The following SH3BP2 variants were observed in gnomAD, a reference collection of about 807,000 sequenced individuals.
SH3BP2 encodes the protein SH3 domain-binding protein 2.
In SH3BP2, 38 loss-of-function variants were observed where a neutral mutation model predicts 56.2. The observed-to-expected ratio is 0.68, with a 90% CI of 0.52 to 0.89. The LOEUF (loss-of-function observed/expected upper bound fraction) is 0.89. Ranked by LOEUF, SH3BP2 falls within the 40% of genes least tolerant of loss-of-function variation. The pLI, the probability that SH3BP2 is intolerant of heterozygous loss-of-function variation, is 0.00. For missense variants in SH3BP2, 748 were observed against 762.6 expected (o/e 0.98, Z 0.23); for synonymous variants, 346 against 316.7 (o/e 1.09, Z -0.98).
At chr4:2,824,985 A>T (rs1368147478) in intron 4 of SH3BP2, 141 bp from the exon 5 acceptor site, 6 of 804,922 alleles carry the variant, frequency 7.5e-6, no homozygotes, top group Non-Finnish European at 1.3e-5. Context: ...GAGGGGAGCC[A>T]CACAGCCATG....
At position 2,831,066 on chromosome 4, in the gene SH3BP2, G is replaced by A. The variant is rs1724958167; in HGVS notation, c.1242-505G>A. ...AGGGCTCAGCCTCACCCACAGGCTG[G>A]CCTCCCATGCTGGCGTGGCCCGTTA... On this transcript the variant is annotated intron_variant, in intron 8 of 12. Transcript: ENST00000503393. The surrounding 1 kb of genome is among the most constrained non-coding windows in gnomAD (Gnocchi z 4.1). 6.6e-6 allele frequency among the ~76,000 whole-genome samples: 1 copy of A among 152,234 alleles called. No individual in the cohort carries two copies. The highest frequency in any genetic ancestry group is 1.5e-5 in the Non-Finnish European group (1 of 68,038).
chr4:2,823,090 TC>T, intron 3 of SH3BP2, 53 bp downstream of exon 3: 1 of 1,318,880 alleles, frequency 7.6e-7, no homozygotes, highest in Non-Finnish European at 1.1e-6. Flanking sequence ...AGCGGGTCCC[TC>T]CCAGCAGAGC....
chr4:2,805,379 C>T (rs1032387249), intron 1 of SH3BP2, among the ~76,000 whole-genome samples: 19 of 152,294 alleles, frequency 1.2e-4, no homozygotes, highest in African/African-American at 4.6e-4. Flanking sequence ...GTGCCCCCCT[C>T]CTGCAGCCAG....
intron 11 of SH3BP2, 41 bp from the exon 12 acceptor site, chr4:2,832,949 G>A: frequency 6.2e-7 from 1 of 1,606,588 alleles, no homozygotes; most frequent in Non-Finnish European, 8.5e-7. Context: ...TGGTCCCGCT[G>A]TTTCTCAGGG....
rs10032589 is a variant in SH3BP2 at position 2,796,869 on chromosome 4, G to A, written c.-5+3731G>A. ...ACGGGGCTGAGGCCGCGAGGCAGGG[G>A]CCGAGGGAAGCGGCACAGAGCTTCT... On this transcript the variant is annotated intron_variant, in intron 1 of 12. Transcript: ENST00000503393. 9.8e-3 allele frequency among the ~76,000 whole-genome samples: 1,493 copies of A among 152,342 alleles called. 31 individuals carry two copies. Among genetic ancestry groups the A allele is most frequent in the African/African-American group, 0.034 (1,430 of 41,578 alleles).
chr4:2,819,360 A>G (rs1034807679), intron 1 of SH3BP2, among the ~76,000 whole-genome samples: 3 of 152,146 alleles, frequency 2.0e-5, no homozygotes, highest in Admixed American at 2.0e-4. Context: ...AGCTGGGACT[A>G]CAGATGCACC....
In SH3BP2 at chr4:2,833,908, C is replaced by G; in HGVS notation, c.*74C>G. ...CCCAGGCCACACAGACGGACATGGG[C>G]CCACATGGGAGGGTGAGCAGGAGCA... is the stretch of plus-strand genomic sequence containing the variant. On this transcript the variant is annotated 3_prime_UTR_variant, in exon 13 of 13. Transcript: ENST00000503393. 1 of 1,475,756 alleles carries G rather than the reference C, an allele frequency of 6.8e-7. No homozygotes were observed. Among genetic ancestry groups the G allele is most frequent in the Non-Finnish European group, 9.1e-7 (1 of 1,103,454 alleles). 91.4% of individuals were successfully genotyped at this position (1,475,756 alleles called of 1,614,324 possible). A position where few individuals can be genotyped will look rare whatever the true frequency, so the allele number is the denominator to read the frequency against.
chr4:2,818,133 C>A, intron 1 of SH3BP2: 1 of 783,944 alleles, frequency 1.3e-6, no homozygotes, highest in Non-Finnish European at 1.5e-6. Context: ...GGGGGCGGGG[C>A]CGGGAGGGGC....
In SH3BP2 at chr4:2,810,090, A is replaced by C. The variant is rs1341222995; in HGVS notation, c.-4-10524A>C. 1.3e-5 allele frequency among the ~76,000 whole-genome samples: 2 copies of C among 152,326 alleles called. No individual in the cohort carries two copies. The highest frequency in any genetic ancestry group is 4.8e-5 in the African/African-American group (2 of 41,568). On this transcript the variant is annotated intron_variant, in intron 1 of 12. Transcript: ENST00000503393. The surrounding 1 kb of genome is among the most constrained non-coding windows in gnomAD (Gnocchi z 4.2). ...GAGGGGAGAATGGCCTGTGTTTAGGAATATGAACGGCAGTGTCATATGCCG... is the reference window on the plus strand; with the variant it reads ...GAGGGGAGAATGGCCTGTGTTTAGGCATATGAACGGCAGTGTCATATGCCG...
At chr4:2,824,805 G>C (rs1182825115) in intron 4 of SH3BP2, 75 bp downstream of exon 4, 1 of 1,153,816 alleles carries the variant, frequency 8.7e-7, no homozygotes, top group Non-Finnish European at 1.3e-6. Flanking sequence ...GACCTGCCTT[G>C]GGGGCTCGCT....
At position 2,831,773 on chromosome 4, in the gene SH3BP2, T is replaced by G; in HGVS notation, c.1350+94T>G. 7.3e-7 allele frequency: 1 copy of G among 1,362,246 alleles called. No individual in the cohort carries two copies. The highest frequency in any genetic ancestry group is 1.0e-6 in the Non-Finnish European group (1 of 973,226). 84.4% of individuals were successfully genotyped at this position (1,362,246 alleles called of 1,614,324 possible). On this transcript the variant is annotated intron_variant, in intron 9 of 12. Coordinates refer to ENST00000503393, the MANE Select transcript of SH3BP2 (RefSeq NM_001122681.2). The surrounding 1 kb of genome is among the most constrained non-coding windows in gnomAD (Gnocchi z 4.1). ...CAGGGCGGCCCCTCACAGACCGTCC[T>G]GAGCAAGGACCCCCCGAGAACCCGG...
At position 2,837,550 on chromosome 4, in the gene SH3BP2, A is replaced by G. The variant is rs1318901508; in HGVS notation, c.*3716A>G. 1 of 152,314 alleles carries G rather than the reference A, an allele frequency of 6.6e-6. No homozygotes were observed. The highest frequency in any genetic ancestry group is 2.4e-5 in the African/African-American group (1 of 41,446). The allele number at this position is 152,314 out of a possible 1,614,324, so 9.4% of individuals were successfully genotyped here. On this transcript the variant is annotated 3_prime_UTR_variant, in exon 13 of 13. Coordinates refer to ENST00000503393, the MANE Select transcript of SH3BP2 (RefSeq NM_001122681.2). ...GGCTTATTGGGGCCATTTCATAGAA[A>G]GGCAGATTGAAGCTCAGCAGGGAAG...
chr4:2,795,613 G>A (rs1334293786), intron 1 of SH3BP2, among the ~76,000 whole-genome samples: 4 of 152,208 alleles, frequency 2.6e-5, no homozygotes, highest in African/African-American at 7.2e-5. Flanking sequence ...TACCCCAGAC[G>A]CAGTGGAGCG....
At chr4:2,812,508 G>C in intron 1 of SH3BP2, 1 of 1,543,700 alleles carries the variant, frequency 6.5e-7, no homozygotes, top group Middle Eastern at 1.7e-4. Context: ...ACTGGGGCTC[G>C]GGAGGCGGCA....
Position 2,820,950 on chromosome 4 carries a change from G to A in SH3BP2, c.136+197G>A, listed in dbSNP as rs191289948. On this transcript the variant is annotated intron_variant, in intron 2 of 12. Transcript: ENST00000503393. ...GCCCCCAGGACTGTAGCAGGGTCCG[G>A]GGTGGTGCACAGTGCTGGCCAGCTG... 1.9e-3 allele frequency among the ~76,000 whole-genome samples: 284 copies of A among 152,238 alleles called. 1 individual carries two copies. Among genetic ancestry groups the A allele is most frequent in the African/African-American group, 6.1e-3 (255 of 41,546 alleles).
At chr4:2,800,330 C>T (rs368346350) in intron 1 of SH3BP2, among the ~76,000 whole-genome samples, 1 of 152,132 alleles carries the variant, frequency 6.6e-6, no homozygotes, top group Non-Finnish European at 1.5e-5. Flanking sequence ...ATCCCCAAGT[C>T]ACTCCTGAGG....
At chr4:2,795,224 A>G (rs1010125860) in intron 1 of SH3BP2, among the ~76,000 whole-genome samples, 1 of 152,166 alleles carries the variant, frequency 6.6e-6, no homozygotes, top group Non-Finnish European at 1.5e-5. Context: ...ACTGGCCTGG[A>G]GAGGCCTGGG....
chr4:2,825,303 T>A, intron 5 of SH3BP2, 107 bp downstream of exon 5: 1 of 946,382 alleles, frequency 1.1e-6, no homozygotes, highest in Non-Finnish European at 1.7e-6. Flanking sequence ...ATTCCGTCCT[T>A]AAAGGTTTCC....
Position 2,831,939 on chromosome 4 carries a change from C to G in SH3BP2, c.1367C>G (p.Ser456Trp). The change falls in exon 10 of 13, where the codon TCG (serine) becomes TGG (tryptophan). Residue 456 changes from serine to tryptophan, a missense_variant. Transcript: ENST00000503393. The surrounding 1 kb of genome is among the most constrained non-coding windows in gnomAD (Gnocchi z 4.1). ...CTCTTGCAGGTGCCACTGCCCAACT[C>G]GGTCTTCGTCAACACCACGGAGTCC... ...EDYEKVPLPN[S>W]VFVNTTESCE... 6.2e-7 allele frequency: 1 copy of G among 1,612,944 alleles called. No homozygotes were observed. The highest frequency in any genetic ancestry group is 8.5e-7 in the Non-Finnish European group (1 of 1,180,020).
Sources: allele counts gnomAD v4.1 joint callset (sites outside exome capture counted in the v4.1 genomes callset), GRCh38; gene constraint gnomAD v4.1.1; non-coding constraint Gnocchi (gnomAD v3.1); transcripts MANE v1.5; gene names NCBI Gene and HGNC (gene_info 2026-07-23, HGNC 2026-07-21).